RYR3: variants seen among roughly 807,000 people sequenced by gnomAD.
The protein encoded by RYR3 is brain ryanodine receptor-calcium release channel.
In RYR3, 207 loss-of-function variants were observed where a neutral mutation model predicts 584.3. The observed-to-expected ratio is 0.35, with a 90% CI of 0.32 to 0.40. The LOEUF is 0.40. Ranked by LOEUF, RYR3 falls within the 10% of genes least tolerant of loss-of-function variation. The pLI is 1.00. For missense variants in RYR3, 5,616 were observed against 6,089.2 expected, an observed-to-expected ratio of 0.92 and a Z score of 2.59; for synonymous variants, 2,416 against 2,248.5, an observed-to-expected ratio of 1.07 and a Z score of -2.11.
intron 11 of RYR3, among the ~76,000 whole-genome samples, chr15:33,565,224 G>A (rs1011041483): frequency 5.3e-5 from 8 of 152,100 alleles, no homozygotes; most frequent in Non-Finnish European, 7.4e-5. Flanking sequence ...TAAGAATTTC[G>A]GTCTTTAAGG....
In RYR3 at chr15:33,838,683, A is replaced by C. The variant is rs1169935538; in HGVS notation, c.12703A>C (p.Met4235Leu). ...NIRVTKILGD[M>L]PDPTQFGIHD... Reference sequence around the variant, plus strand: ...CAGAGTGACCAAGATCCTGGGTGACATGCCTGACCCAACCCAATTTGGTAT... The same window carrying C: ...CAGAGTGACCAAGATCCTGGGTGACCTGCCTGACCCAACCCAATTTGGTAT... The change falls in exon 89 of 104, where the codon ATG (methionine) becomes CTG (leucine). Residue 4235 changes from methionine (M) to leucine (L), a missense_variant. Physicochemically the swap from Met to Leu is conservative, Grantham distance 15 (BLOSUM62 2). Around this residue, in one of 9 missense-constraint regions of RYR3, gnomAD observed 918 missense variants for 887.4 expected, o/e 1.03. Transcript: ENST00000634891. The C allele has an allele frequency of 6.2e-7, 1 of 1,613,866 alleles. No homozygotes were observed. Among genetic ancestry groups the C allele is most frequent in the African/African-American group, 1.3e-5 (1 of 74,934 alleles).
chr15:33,733,434 C>G lies in RYR3; in HGVS notation c.7424+1740C>G, dbSNP rs149510832. ...TCAGTGCTAAAAAGAAATGAGCTAT[C>G]AAGCAATGAAAATACATAGAGGAAC... On this transcript the variant is annotated intron_variant, in intron 48 of 103. Transcript: ENST00000634891. 1.6e-3 allele frequency among the ~76,000 whole-genome samples: 249 copies of G among 152,286 alleles called. 1 individual carries two copies. Among genetic ancestry groups the G allele is most frequent in the Non-Finnish European group, 3.0e-3 (203 of 68,024 alleles).
At position 33,518,353 on chromosome 15, in the gene RYR3, T is replaced by C. The variant is rs186264808; in HGVS notation, c.280-12239T>C. 4.2e-3 allele frequency among the ~76,000 whole-genome samples: 646 copies of C among 152,338 alleles called. 6 individuals are homozygous for C. Among genetic ancestry groups the C allele is most frequent in the Non-Finnish European group, 7.1e-3 (480 of 68,036 alleles). On this transcript the variant is annotated intron_variant, in intron 3 of 103. Coordinates refer to ENST00000634891, the MANE Select transcript of RYR3 (RefSeq NM_001036.6). Reference sequence around the variant, plus strand: ...ATGGATTGAATTATTATTTTTTTTCTTCACTGGAGGAGGCAAACATCAACA... The same window carrying C: ...ATGGATTGAATTATTATTTTTTTTCCTCACTGGAGGAGGCAAACATCAACA...
At chr15:33,609,326 C>G (rs775803204) in intron 18 of RYR3, among the ~76,000 whole-genome samples, 1 of 151,992 alleles carries the variant, frequency 6.6e-6, no homozygotes, top group Non-Finnish European at 1.5e-5. Context: ...CCCAGCACTT[C>G]GGGAGGCCGA....
rs540137823 is a variant in RYR3, at chr15:33,623,792, A to G, written c.2358-15A>G. 22 of 1,576,322 alleles carry G rather than the reference A, an allele frequency of 1.4e-5. No homozygotes were observed. Among genetic ancestry groups the G allele is most frequent in the African/African-American group, 1.3e-5 (1 of 74,102 alleles). On this transcript the variant is annotated splice_polypyrimidine_tract_variant and intron_variant, in intron 19 of 103. Coordinates refer to ENST00000634891, the MANE Select transcript of RYR3 (RefSeq NM_001036.6). ...TTTTTTTAACCTCTGTATTTCTGCT[A>G]TCTTCAAATGACAGAGTACGTTTCC...
At chr15:33,389,036 A>C (rs1031904687) in intron 1 of RYR3, among the ~76,000 whole-genome samples, 3 of 134,872 alleles carry the variant, frequency 2.2e-5, no homozygotes, top group South Asian at 2.4e-4. Flanking sequence ...ATGAGAACAC[A>C]TGGACACAGG....
intron 1 of RYR3, among the ~76,000 whole-genome samples, chr15:33,460,662 A>G (rs2047944683): frequency 6.6e-6 from 1 of 152,224 alleles, no homozygotes; most frequent in African/African-American, 2.4e-5. Flanking sequence ...AACAAAAGAA[A>G]TCGCCGTCTT....
At chr15:33,555,197 C>T (rs898108003) in intron 10 of RYR3, among the ~76,000 whole-genome samples, 2 of 152,152 alleles carry the variant, frequency 1.3e-5, no homozygotes, top group Non-Finnish European at 2.9e-5. Flanking sequence ...TGCCCTTTAA[C>T]CTTTGCAGCC....
At chr15:33,790,360 T>C (rs1194103642) in intron 67 of RYR3, among the ~76,000 whole-genome samples, 1 of 152,046 alleles carries the variant, frequency 6.6e-6, no homozygotes. Context: ...GCCAAGATGG[T>C]AGCAGTGAAG....
At chr15:33,493,720 C>T (rs2051172748) in intron 2 of RYR3, among the ~76,000 whole-genome samples, 1 of 152,196 alleles carries the variant, frequency 6.6e-6, no homozygotes, top group Non-Finnish European at 1.5e-5. Context: ...CGTATTTCTG[C>T]ATTAATCCTT....
At chr15:33,550,538 G>A (rs1175133038) in intron 10 of RYR3, among the ~76,000 whole-genome samples, 3 of 152,204 alleles carry the variant, frequency 2.0e-5, no homozygotes, top group African/African-American at 7.2e-5. Flanking sequence ...GGAGAGTGTG[G>A]AAAGTCCTGG....
intron 4 of RYR3, among the ~76,000 whole-genome samples, chr15:33,532,208 A>T (rs1444786097): frequency 6.6e-6 from 1 of 152,216 alleles, no homozygotes; most frequent in African/African-American, 2.4e-5. Context: ...TCCTAAGATG[A>T]GCAGCTATGC....
At chr15:33,753,557 C>T (rs1442646738) in intron 57 of RYR3, among the ~76,000 whole-genome samples, 2 of 152,060 alleles carry the variant, frequency 1.3e-5, no homozygotes, top group South Asian at 2.1e-4. Context: ...GTTTTTATTC[C>T]GATATAGCCA....
intron 1 of RYR3, among the ~76,000 whole-genome samples, chr15:33,461,588 A>G (rs1246268023): frequency 6.6e-6 from 1 of 152,226 alleles, no homozygotes; most frequent in Non-Finnish European, 1.5e-5. Flanking sequence ...TGGCCAGGAT[A>G]TGATCCTCGC....
intron 96 of RYR3, 49 bp from the exon 97 acceptor site, chr15:33,854,340 A>C: frequency 2.7e-6 from 4 of 1,487,056 alleles, no homozygotes; most frequent in Non-Finnish European, 3.7e-6. Context: ...TTGAGCACTT[A>C]ACTACCTCTT....
Position 33,492,544 on chromosome 15 carries a change from G to A in RYR3, c.172-11087G>A, listed in dbSNP as rs141576961. 1.1e-3 allele frequency among the ~76,000 whole-genome samples: 165 copies of A among 152,052 alleles called. 2 individuals are homozygous for A. In the East Asian group the frequency reaches 0.014, roughly 12 times the overall value. ...GAATTTGGATTCAGTTTGAGAGTAG[G>A]AAGAAGGCATTGGGGAAAAATCTCA... On this transcript the variant is annotated intron_variant, in intron 2 of 103. Coordinates refer to ENST00000634891, the MANE Select transcript of RYR3 (RefSeq NM_001036.6).
At chr15:33,725,599 C>T (rs893276044) in intron 45 of RYR3, among the ~76,000 whole-genome samples, 3 of 151,998 alleles carry the variant, frequency 2.0e-5, no homozygotes, top group African/African-American at 4.8e-5. Flanking sequence ...CCTTTTTGCC[C>T]AGTCATCATC....
At chr15:33,329,986 C>T (rs1337362359) in intron 1 of RYR3, among the ~76,000 whole-genome samples, 3 of 152,142 alleles carry the variant, frequency 2.0e-5, no homozygotes, top group Non-Finnish European at 4.4e-5. Context: ...AGGGAGTGAT[C>T]TTGTGTATAA....
chr15:33,827,716 A>G (rs917847153), intron 85 of RYR3, among the ~76,000 whole-genome samples: 1 of 152,052 alleles, frequency 6.6e-6, no homozygotes, highest in Non-Finnish European at 1.5e-5. Flanking sequence ...AGCCCAAATT[A>G]TATTGAAAAA....
Sources: gnomAD v4.1 joint callset for allele counts (sites outside exome capture counted in the v4.1 genomes callset) on GRCh38, gnomAD v4.1.1 for gene constraint, gnomAD v4.1.1 regional missense constraint, MANE v1.5 for transcripts, NCBI Gene and HGNC (gene_info 2026-07-23, HGNC 2026-07-21) for gene names.